The following ANK3 variants were observed in gnomAD, a reference collection of about 807,000 sequenced individuals.
The protein encoded by ANK3 is ankyrin 3.
A neutral mutation model predicts 370.9 loss-of-function variants in ANK3; 57 were observed. The observed-to-expected ratio is 0.15, with a 90% CI of 0.12 to 0.19. The LOEUF is 0.19. ANK3 is among the 10% of genes least tolerant of loss of function. ANK3 has a pLI of 1.00. For synonymous variants in ANK3, 1,929 were observed against 1,946.3 expected (o/e 0.99, Z 0.23); for missense variants, 4,439 against 5,302.1 (o/e 0.84, Z 5.06).
At chr10:60,731,715 G>A (rs2080024721) in intron 1 of ANK3, among the ~76,000 whole-genome samples, 1 of 152,208 alleles carries the variant, frequency 6.6e-6, no homozygotes, top group African/African-American at 2.4e-5. Flanking sequence ...CAGATGACAA[G>A]GCTGCCTGAA....
intron 1 of ANK3, among the ~76,000 whole-genome samples, chr10:60,384,912 T>C (rs2062039943): frequency 6.6e-6 from 1 of 152,168 alleles, no homozygotes; most frequent in Non-Finnish European, 1.5e-5. Context: ...ATATCTTTGG[T>C]ATGCAACACC....
At chr10:60,133,073 C>A (rs1028623362) in intron 25 of ANK3, among the ~76,000 whole-genome samples, 1 of 152,160 alleles carries the variant, frequency 6.6e-6, no homozygotes, top group African/African-American at 2.4e-5. Flanking sequence ...ATATGTAGGT[C>A]TAGACATCAG....
intron 9 of ANK3, 63 bp from the exon 10 acceptor site, chr10:60,208,296 C>G: frequency 1.4e-6 from 2 of 1,449,566 alleles, no homozygotes; most frequent in Non-Finnish European, 1.9e-6. Flanking sequence ...GTGCAGAACA[C>G]AAAGTGCAAA....
chr10:60,225,512 G>A (rs991580524), intron 8 of ANK3, among the ~76,000 whole-genome samples: 3 of 152,110 alleles, frequency 2.0e-5, no homozygotes, highest in African/African-American at 7.2e-5. Context: ...ATTCAGGATT[G>A]CCTCCCTTGG....
chr10:60,133,975 T>C (rs10509124), intron 25 of ANK3, among the ~76,000 whole-genome samples: 50,079 of 151,972 alleles, frequency 0.33, 8,453 homozygotes, highest in Non-Finnish European at 0.36. Context: ...CAATGATTAT[T>C]AACTCTCCTT....
At chr10:60,279,790 A>C (rs1035522595) in intron 1 of ANK3, 151 bp from the exon 2 acceptor site, 4 of 659,260 alleles carry the variant, frequency 6.1e-6, no homozygotes, top group Non-Finnish European at 1.0e-5. Flanking sequence ...AAGAACCAAG[A>C]AAAGGACACA....
At chr10:60,358,774 C>G (rs2132726086) in intron 1 of ANK3, among the ~76,000 whole-genome samples, 1 of 152,310 alleles carries the variant, frequency 6.6e-6, no homozygotes, top group East Asian at 1.9e-4. Context: ...CTTTCTGAGC[C>G]TAACACACAC....
intron 2 of ANK3, among the ~76,000 whole-genome samples, chr10:60,605,570 T>C (rs2078118191): frequency 1.3e-5 from 2 of 152,208 alleles, no homozygotes; most frequent in Admixed American, 1.3e-4. Flanking sequence ...ACAGATTTTA[T>C]CCATTCATGT....
rs190366390 is a variant in ANK3 at position 60,478,371 on chromosome 10, A to G, written c.96+136815T>C. Among the ~76,000 whole-genome samples the G allele has an allele frequency of 4.3e-3, 658 of 152,214 alleles. 3 individuals are homozygous for G. Among genetic ancestry groups the G allele is most frequent in the Non-Finnish European group, 7.0e-3 (475 of 67,954 alleles). On this transcript the variant is annotated intron_variant, in intron 2 of 43. Coordinates refer to the ANK3 transcript ENST00000373827. ...ATCTGTAGCTATTTCAGTAGGTTAT[A>G]TGATAGATGATTTTAATACAATAGT... is the stretch of plus-strand genomic sequence containing the variant.
intron 1 of ANK3, among the ~76,000 whole-genome samples, chr10:60,364,514 A>G (rs1386076559): frequency 2.0e-5 from 3 of 149,766 alleles, no homozygotes; most frequent in Non-Finnish European, 4.5e-5. Context: ...GGACCCAGGG[A>G]GGGGAACATC....
Position 60,068,667 on chromosome 10 carries a change from C to T in ANK3, c.12214G>A (p.Gly4072Ser), listed in dbSNP as rs140830125. 1.2e-4 allele frequency: 199 copies of T among 1,611,930 alleles called. No homozygotes were observed. Among genetic ancestry groups the T allele is most frequent in the Admixed American group, 2.3e-4 (14 of 59,812 alleles). ...APLKSKSEKA[G>S]SEKRSSRRTG... ...CTTCTACTGCTCCTTTTCTCACTGC[C>T]GGCCTTTTCACTCTTTGATTTTAAA... The change falls in exon 37 of 44, where the codon GGC becomes AGC. Residue 4072 changes from glycine (G) to serine (S), a missense_variant. By Grantham distance (56) the Gly-to-Ser change is moderately conservative. Transcript: ENST00000280772.
intron 1 of ANK3, among the ~76,000 whole-genome samples, chr10:60,377,011 T>C (rs1204994255): frequency 6.6e-6 from 1 of 152,206 alleles, no homozygotes; most frequent in Non-Finnish European, 1.5e-5. Context: ...GGAAAGAAAT[T>C]AATTACGGGC....
chr10:60,211,892 C>CAAAAAAAAAAAAAAAAAAAAAGAAAA (rs2096861678), intron 9 of ANK3, among the ~76,000 whole-genome samples: 2 of 93,402 alleles, frequency 2.1e-5, no homozygotes, highest in African/African-American at 9.6e-5. Flanking sequence ...AATACAGAGC[C>CAAAAAAAAAAAAAAAAAAAAAGAAAA]AAAAAAAAAA....
intron 25 of ANK3, among the ~76,000 whole-genome samples, chr10:60,125,043 C>A (rs778362725): frequency 4.8e-4 from 73 of 152,014 alleles, no homozygotes; most frequent in Non-Finnish European, 9.4e-4. Flanking sequence ...GTTTAAACAT[C>A]CAGCACTACT....
intron 1 of ANK3, among the ~76,000 whole-genome samples, chr10:60,382,801 A>C (rs1175446731): frequency 3.1e-4 from 12 of 38,304 alleles, no homozygotes; most frequent in African/African-American, 6.6e-4. Context: ...CTAAATCTAT[A>C]TATATATATA....
intron 2 of ANK3, among the ~76,000 whole-genome samples, chr10:60,502,117 C>T (rs2075816552): frequency 6.6e-6 from 1 of 152,170 alleles, no homozygotes; most frequent in South Asian, 2.1e-4. Flanking sequence ...TTCTGACCAG[C>T]TAGAAAAGTT....
intron 1 of ANK3, among the ~76,000 whole-genome samples, chr10:60,664,553 A>C (rs2078973532): frequency 6.6e-6 from 1 of 152,228 alleles, no homozygotes; most frequent in African/African-American, 2.4e-5. Context: ...CAAAGCACAG[A>C]GAAACCAGAA....
chr10:60,386,524 G>C lies in ANK3; in HGVS notation c.114+2901C>G, dbSNP rs1347094593. 3.3e-5 allele frequency among the ~76,000 whole-genome samples: 5 copies of C among 149,280 alleles called. No homozygotes were observed. The East Asian group carries it at 9.8e-4, about 29-fold the overall frequency. ...AAACTCAACTAATTATAAATTCCTA[G>C]AAGTTCTGTACTGCTTTTTTTTTTT... is the stretch of plus-strand genomic sequence containing the variant. On this transcript the variant is annotated intron_variant, in intron 1 of 43. Coordinates refer to ENST00000280772, the MANE Select transcript of ANK3 (RefSeq NM_020987.5).
At chr10:60,561,738 G>GTGGT (rs1201547525) in intron 2 of ANK3, among the ~76,000 whole-genome samples, 4 of 152,162 alleles carry the variant, frequency 2.6e-5, no homozygotes, top group African/African-American at 7.2e-5. Context: ...AGCACCACAA[G>GTGGT]GCCTTTCCCA....
Sources: gnomAD v4.1 joint callset for allele counts (sites outside exome capture counted in the v4.1 genomes callset) on GRCh38, gnomAD v4.1.1 for gene constraint, MANE v1.5 for transcripts, NCBI Gene and HGNC (gene_info 2026-07-23, HGNC 2026-07-21) for gene names.